Variants in TAPT1 observed in about 807,000 individuals in gnomAD.
TAPT1 encodes transmembrane anterior posterior transformation 1.
TAPT1 carries 28 observed loss-of-function variants against 65.6 expected under a neutral mutation model. The observed-to-expected ratio is 0.43, with a 90% CI of 0.32 to 0.59. The LOEUF is 0.59. Ranked by LOEUF, TAPT1 falls within the 20% of genes least tolerant of loss-of-function variation. The pLI is 0.09. For synonymous variants in TAPT1, 278 were observed against 245.2 expected, an observed-to-expected ratio of 1.13 and a Z score of -1.25; for missense variants, 563 against 679.9, an observed-to-expected ratio of 0.83 and a Z score of 1.91.
chr4:16,220,347 T>C (rs1751179981), intron 1 of TAPT1, among the ~76,000 whole-genome samples: 1 of 152,244 alleles, frequency 6.6e-6, no homozygotes, highest in Non-Finnish European at 1.5e-5. Flanking sequence ...GCCAAACATC[T>C]ACCTCTACGT....
At chr4:16,165,321 A>G (rs1429996830) in intron 13 of TAPT1, among the ~76,000 whole-genome samples, 1 of 152,186 alleles carries the variant, frequency 6.6e-6, no homozygotes, top group Non-Finnish European at 1.5e-5. Flanking sequence ...CTGTAATCCC[A>G]GCACTTTGGG....
At chr4:16,226,940 G>C, upstream of TAPT1, 3 of 395,144 alleles carry the variant, frequency 7.6e-6, no homozygotes, top group South Asian at 5.4e-5. Flanking sequence ...TTGCAGACTC[G>C]GTGCCCGGAG....
At chr4:16,166,239 A>G (rs1385840085) in intron 13 of TAPT1, among the ~76,000 whole-genome samples, 2 of 151,770 alleles carry the variant, frequency 1.3e-5, no homozygotes, top group Non-Finnish European at 2.9e-5. Flanking sequence ...GGAGGGCCCA[A>G]CTCCCTGTTG....
At chr4:16,226,915 C>T (rs13136055), upstream of TAPT1, 97,075 of 333,688 alleles carry the variant, frequency 0.29, 15,056 homozygotes, top group East Asian at 0.34. Flanking sequence ...TCCGGCGGTC[C>T]GCTCAGGGCC....
chr4:16,165,296 C>CA (rs1292074260), intron 13 of TAPT1, among the ~76,000 whole-genome samples: 1 of 152,126 alleles, frequency 6.6e-6, no homozygotes, highest in African/African-American at 2.4e-5. Flanking sequence ...TTAGGCCAGG[C>CA]ATGGTGGCTC....
chr4:16,170,347 A>T (rs1747912584), intron 12 of TAPT1, among the ~76,000 whole-genome samples: 1 of 152,262 alleles, frequency 6.6e-6, no homozygotes, highest in East Asian at 1.9e-4. Context: ...AAATATGAAA[A>T]CATGTCTGCA....
chr4:16,219,376 A>G (rs1002563875), intron 1 of TAPT1, among the ~76,000 whole-genome samples: 2 of 152,202 alleles, frequency 1.3e-5, no homozygotes, highest in Admixed American at 1.3e-4. Flanking sequence ...GTGAAGCTAC[A>G]CTCTTTACTA....
chr4:16,182,264 G>A (rs759999180), intron 7 of TAPT1, among the ~76,000 whole-genome samples: 14 of 152,108 alleles, frequency 9.2e-5, no homozygotes, highest in Admixed American at 3.9e-4. Flanking sequence ...AACAGAGTCT[G>A]ATACTGATAA....
intron 1 of TAPT1, among the ~76,000 whole-genome samples, chr4:16,217,908 A>G (rs1321078099): frequency 1.3e-5 from 2 of 152,174 alleles, no homozygotes; most frequent in Admixed American, 6.5e-5. Flanking sequence ...CTGAACCTCA[A>G]ACCCCCTGAG....
At chr4:16,202,143 G>A (rs920372694) in intron 3 of TAPT1, among the ~76,000 whole-genome samples, 3 of 152,256 alleles carry the variant, frequency 2.0e-5, no homozygotes, top group Admixed American at 6.5e-5. Flanking sequence ...GCCCAGGTGA[G>A]TTAAGAACGT....
At chr4:16,174,862 C>T (rs1247865287) in intron 9 of TAPT1, 133 bp from the exon 10 acceptor site, 1 of 572,564 alleles carries the variant, frequency 1.7e-6, no homozygotes, top group Non-Finnish European at 2.9e-6. Flanking sequence ...GACATCTGGG[C>T]ATAATTTCTT....
At chr4:16,197,076 C>G (rs779759274) in intron 3 of TAPT1, among the ~76,000 whole-genome samples, 1 of 152,028 alleles carries the variant, frequency 6.6e-6, no homozygotes, top group African/African-American at 2.4e-5. Context: ...GTAAGGCATA[C>G]GAAGGAAACT....
chr4:16,194,107 T>C (rs762960124), intron 3 of TAPT1, among the ~76,000 whole-genome samples: 3 of 152,154 alleles, frequency 2.0e-5, no homozygotes, highest in South Asian at 4.1e-4. Flanking sequence ...AATGAAGGAA[T>C]AGTATATTTA....
chr4:16,202,634 A>G lies in TAPT1; in HGVS notation c.331-54T>C, dbSNP rs28377010. 58,055 of 977,684 alleles carry G rather than the reference A, an allele frequency of 0.059. 2,064 individuals carry two copies. The highest frequency in any genetic ancestry group is 0.12 in the Middle Eastern group (535 of 4,494). The allele number at this position is 977,684 out of a possible 1,614,324, so 60.6% of individuals were successfully genotyped here. A position where few individuals can be genotyped will look rare whatever the true frequency, so the allele number is the denominator to read the frequency against. On this transcript the variant is annotated intron_variant, in intron 2 of 13. Coordinates refer to ENST00000405303, the MANE Select transcript of TAPT1 (RefSeq NM_153365.3). ...AAAAAAGTATTTTAAAAATACTTGT[A>G]GATGAAAATTCCAAACAACCAGAAT... is the stretch of plus-strand genomic sequence containing the variant.
chr4:16,203,728 T>G (rs1042289500), intron 2 of TAPT1, among the ~76,000 whole-genome samples: 10 of 152,190 alleles, frequency 6.6e-5, no homozygotes, highest in African/African-American at 2.2e-4. Flanking sequence ...CTTCCAGAAC[T>G]GCAAGATAAT....
At chr4:16,227,237 C>T (rs1419613349), upstream of TAPT1, 2 of 455,372 alleles carry the variant, frequency 4.4e-6, no homozygotes, top group South Asian at 1.6e-5. Flanking sequence ...GGCTGGCGCG[C>T]CGGCGGACTT....
chr4:16,208,160 T>C (rs1750453622), intron 2 of TAPT1, among the ~76,000 whole-genome samples: 1 of 152,226 alleles, frequency 6.6e-6, no homozygotes, highest in South Asian at 2.1e-4. Flanking sequence ...TAGAATTAAA[T>C]TATGTAATTG....
chr4:16,221,241 C>T lies in TAPT1; in HGVS notation c.199+5018G>A, dbSNP rs186974855. 1.1e-3 allele frequency among the ~76,000 whole-genome samples: 160 copies of T among 152,206 alleles called. 1 individual carries two copies. Among genetic ancestry groups the T allele is most frequent in the African/African-American group, 3.6e-3 (151 of 41,526 alleles). On this transcript the variant is annotated intron_variant, in intron 1 of 13. Coordinates refer to ENST00000405303, the MANE Select transcript of TAPT1 (RefSeq NM_153365.3). ...TCCTGGGTTCCAGCAATTCCCCTGG[C>T]TCAGCCTCCAAGTAGCTGGGATTAC... is the stretch of plus-strand genomic sequence containing the variant.
intron 4 of TAPT1, among the ~76,000 whole-genome samples, chr4:16,188,748 G>T (rs1292669408): frequency 6.6e-6 from 1 of 151,988 alleles, no homozygotes; most frequent in Non-Finnish European, 1.5e-5. Flanking sequence ...GTGAAACGCC[G>T]TCTCTACTAA....
Sources: gnomAD v4.1 joint callset for allele counts (sites outside exome capture counted in the v4.1 genomes callset) on GRCh38, gnomAD v4.1.1 for gene constraint, MANE v1.5 for transcripts, NCBI Gene and HGNC (gene_info 2026-07-23, HGNC 2026-07-21) for gene names.